Variants in DENND5A observed in about 807,000 individuals in gnomAD.
The protein encoded by DENND5A is DENN domain containing 5A, also known as DENN domain-containing protein 5A.
DENND5A carries 64 observed loss-of-function variants against 140.3 expected under a neutral mutation model. The ratio of observed to expected loss-of-function variants is 0.46; its 90% confidence interval spans 0.37 to 0.56. The LOEUF (loss-of-function observed/expected upper bound fraction) is 0.56. Among genes scored for constraint, DENND5A ranks in the 20% least tolerant of loss-of-function variants. The pLI is 0.00. For synonymous variants in DENND5A, 605 were observed against 607.7 expected (o/e 1.00, Z 0.07); for missense variants, 1,292 against 1,593.8 (o/e 0.81, Z 3.22).
At chr11:9,168,160 C>G (rs770557665) in intron 10 of DENND5A, among the ~76,000 whole-genome samples, 1 of 149,930 alleles carries the variant, frequency 6.7e-6, no homozygotes. Flanking sequence ...GCTGTGACCC[C>G]ATCCAAATCT....
Position 9,166,071 on chromosome 11 carries a change from C to CA in DENND5A, c.2152-105_2152-104insT. 3 of 1,011,108 alleles carry CA rather than the reference C, an allele frequency of 3.0e-6. No homozygotes were observed. In the African/African-American group the frequency reaches 5.0e-5, roughly 17 times the overall value. 62.6% of individuals were successfully genotyped at this position (1,011,108 alleles called of 1,614,324 possible). A position where few individuals can be genotyped will look rare whatever the true frequency, so the allele number is the denominator to read the frequency against. On this transcript the variant is annotated intron_variant, in intron 10 of 22. Coordinates refer to ENST00000328194, the MANE Select transcript of DENND5A (RefSeq NM_015213.4). The stretch of plus-strand genomic sequence containing the variant: ...AGAGGGCATTATTTTCTCACATTTT[C>CA]TTTTTTTTTCTTTTTCTTTTTTTTT...
intron 15 of DENND5A, among the ~76,000 whole-genome samples, chr11:9,147,712 T>C (rs1016758413): frequency 6.6e-6 from 1 of 152,240 alleles, no homozygotes; most frequent in Admixed American, 6.5e-5. Context: ...GGAAGAGCCA[T>C]GCAGATCATA....
chr11:9,214,360 G>C (rs368715641), intron 1 of DENND5A, among the ~76,000 whole-genome samples: 4 of 152,310 alleles, frequency 2.6e-5, no homozygotes, highest in South Asian at 4.1e-4. Context: ...AGGAAGGGAA[G>C]AGATTACACA....
At chr11:9,159,221 C>G (rs1847900565) in intron 12 of DENND5A, among the ~76,000 whole-genome samples, 1 of 152,038 alleles carries the variant, frequency 6.6e-6, no homozygotes, top group Non-Finnish European at 1.5e-5. Context: ...ATGTATTATA[C>G]CAAATTTAGG....
chr11:9,247,299 C>G (rs1457877288), intron 1 of DENND5A, among the ~76,000 whole-genome samples: 1 of 151,726 alleles, frequency 6.6e-6, no homozygotes, highest in Non-Finnish European at 1.5e-5. Context: ...TCAGCTGCCT[C>G]GTCCTCCTTG....
chr11:9,170,863 C>A, intron 8 of DENND5A, 86 bp from the exon 9 acceptor site: 1 of 1,563,484 alleles, frequency 6.4e-7, no homozygotes. Context: ...CTTTAAGAAT[C>A]TAGCTACTCT....
chr11:9,155,585 A>T (rs1033198142), intron 12 of DENND5A, among the ~76,000 whole-genome samples: 2 of 152,210 alleles, frequency 1.3e-5, no homozygotes, highest in African/African-American at 4.8e-5. Flanking sequence ...AAAGGGTCTG[A>T]TTGGGATTGC....
At chr11:9,175,985 C>A (rs1384814677) in intron 8 of DENND5A, among the ~76,000 whole-genome samples, 1 of 152,122 alleles carries the variant, frequency 6.6e-6, no homozygotes, top group Non-Finnish European at 1.5e-5. Flanking sequence ...ATTTTGTTCT[C>A]AAAAAGACAA....
At chr11:9,204,638 G>A (rs924864473) in intron 3 of DENND5A, among the ~76,000 whole-genome samples, 2 of 152,170 alleles carry the variant, frequency 1.3e-5, no homozygotes, top group African/African-American at 2.4e-5. Context: ...CAAGGCAGGT[G>A]GATCGCTTGA....
At chr11:9,170,885 C>A in intron 8 of DENND5A, 108 bp from the exon 9 acceptor site, 1 of 1,538,944 alleles carries the variant, frequency 6.5e-7, no homozygotes. Context: ...CCATTTCCAG[C>A]CAAGATAGAG....
At chr11:9,239,585 G>A (rs1436452034) in intron 1 of DENND5A, among the ~76,000 whole-genome samples, 5 of 151,948 alleles carry the variant, frequency 3.3e-5, no homozygotes, top group African/African-American at 1.2e-4. Context: ...TCCTGCCTCC[G>A]CCTCCCAAGT....
In DENND5A at chr11:9,178,300, T is replaced by G; in HGVS notation, c.1738A>C (p.Met580Leu). The G allele has an allele frequency of 1.2e-6, 2 of 1,614,008 alleles. No individual in the cohort carries two copies. The highest frequency in any genetic ancestry group is 1.7e-6 in the Non-Finnish European group (2 of 1,179,988). Residue 580 changes from methionine (M) to leucine (L), a missense_variant, in exon 8 of 23, where the codon ATG becomes CTG. Coordinates refer to ENST00000328194, the MANE Select transcript of DENND5A (RefSeq NM_015213.4). Reference sequence around the variant, plus strand: ...TTGTTGTCAATGAAAGATGCAAACATCTGGGTCTCCAGGAATCTTGAGAGG... The same window carrying G: ...TTGTTGTCAATGAAAGATGCAAACAGCTGGGTCTCCAGGAATCTTGAGAGG... ...PFLSRFLETQ[M>L]FASFIDNKIM...
chr11:9,229,128 A>G (rs1278767443), intron 1 of DENND5A, among the ~76,000 whole-genome samples: 1 of 152,136 alleles, frequency 6.6e-6, no homozygotes, highest in Admixed American at 6.6e-5. Flanking sequence ...TCAGAATTGA[A>G]CTGAATTGGA....
At chr11:9,184,820 T>C (rs1163735095) in intron 5 of DENND5A, among the ~76,000 whole-genome samples, 1 of 152,268 alleles carries the variant, frequency 6.6e-6, no homozygotes. Context: ...TCTGTTGATA[T>C]TAACTCTTTG....
chr11:9,169,679 T>G (rs1214372499), intron 10 of DENND5A, among the ~76,000 whole-genome samples, 177 bp downstream of exon 10: 1 of 152,098 alleles, frequency 6.6e-6, no homozygotes, highest in Non-Finnish European at 1.5e-5. Context: ...ACATTCTGAT[T>G]TGTGATAACC....
intron 1 of DENND5A, among the ~76,000 whole-genome samples, chr11:9,249,153 G>A (rs11042240): frequency 0.15 from 22,279 of 151,808 alleles, 2,071 homozygotes; most frequent in Non-Finnish European, 0.21. Flanking sequence ...GCGTGAACCC[G>A]GGAGGTGGAG....
At chr11:9,223,155 G>A (rs1024803779) in intron 1 of DENND5A, among the ~76,000 whole-genome samples, 8 of 151,864 alleles carry the variant, frequency 5.3e-5, no homozygotes, top group Non-Finnish European at 1.2e-4. Flanking sequence ...TTTGGGAGCT[G>A]AGACAAGAAG....
Position 9,143,415 on chromosome 11 carries a change from CT to C in DENND5A, c.3374del (p.Lys1125SerfsTer9). 6.2e-7 allele frequency: 1 copy of C among 1,614,062 alleles called. No homozygotes were observed. Among genetic ancestry groups the C allele is most frequent in the Non-Finnish European group, 8.5e-7 (1 of 1,179,870 alleles). On this transcript the variant is annotated frameshift_variant, in exon 20 of 23. Coordinates refer to ENST00000328194, the MANE Select transcript of DENND5A (RefSeq NM_015213.4). LOFTEE classifies it high-confidence loss of function. ...AVNGIVKHFH[K>X]PEKERGSLTL... is the part of the protein sequence containing the mutation. ...CAGGAAGGCTCACCTCTTTCTCAGG[CT>C]TATGGAAGTGCTTCACAATGCCATT...
chr11:9,251,301 G>A (rs1386251408), intron 1 of DENND5A, among the ~76,000 whole-genome samples: 3 of 152,014 alleles, frequency 2.0e-5, no homozygotes, highest in Non-Finnish European at 4.4e-5. Context: ...ACATAAAGTA[G>A]ACCACAGATG....
Sources: gnomAD v4.1 joint callset for allele counts (sites outside exome capture counted in the v4.1 genomes callset) on GRCh38, gnomAD v4.1.1 for gene constraint, MANE v1.5 for transcripts, NCBI Gene and HGNC (gene_info 2026-07-23, HGNC 2026-07-21) for gene names.